Variants in PRRC2B observed in about 807,000 individuals in gnomAD.
PRRC2B encodes the protein protein PRRC2B.
In PRRC2B, 68 loss-of-function variants were observed where a neutral mutation model predicts 242.3. The ratio of observed to expected loss-of-function variants is 0.28; its 90% CI spans 0.23 to 0.34. The LOEUF (loss-of-function observed/expected upper bound fraction) is 0.34, where lower values mean the gene tolerates loss of function less well. Ranked by LOEUF, PRRC2B falls within the 10% of genes least tolerant of loss-of-function variation. The pLI, the probability that PRRC2B is intolerant of heterozygous loss-of-function variation, is 1.00. For missense variants in PRRC2B, 2,835 were observed against 2,954.8 expected (o/e 0.96, Z 0.94); for synonymous variants, 1,228 against 1,173.6 (o/e 1.05, Z -0.95).
intron 1 of PRRC2B, among the ~76,000 whole-genome samples, chr9:131,385,879 G>C (rs372250959): frequency 6.7e-6 from 1 of 150,056 alleles, no homozygotes; most frequent in African/African-American, 2.4e-5. Flanking sequence ...ATTTGTAGTA[G>C]AGATGGGGTT....
chr9:131,464,926 C>T lies in PRRC2B; in HGVS notation c.1568C>T (p.Ala523Val). 1.2e-6 allele frequency: 2 copies of T among 1,613,086 alleles called. No homozygotes were observed. The highest frequency in any genetic ancestry group is 1.7e-6 in the Non-Finnish European group (2 of 1,179,658). Reference protein sequence around the residue: ...EERRAREERLAACAAKLKQLD... With the variant: ...EERRAREERLVACAAKLKQLD... ...CGCCGAGCCCGGGAGGAGAGGCTGG[C>T]CGCCTGTGCTGCCAAACTCAAGCAG... Residue 523 changes from alanine to valine, a missense_variant, in exon 12 of 32, where the codon GCC (alanine) becomes GTC (valine). This residue lies in a region of PRRC2B where 3 missense variants were observed against 18.3 expected (regional missense o/e 0.16). Coordinates refer to ENST00000683519, the MANE Select transcript of PRRC2B (RefSeq NM_013318.4).
chr9:131,420,485 C>CTTTCTTTCTTTCTTTCTTTCTTTCT (rs1837793028), intron 1 of PRRC2B, among the ~76,000 whole-genome samples: 1 of 15,750 alleles, frequency 6.3e-5, no homozygotes, highest in Non-Finnish European at 1.7e-4. Flanking sequence ...TTCTTTCTTT[C>CTTTCTTTCTTTCTTTCTTTCTTTCT]TTTCTTTCTT....
At chr9:131,409,699 G>A (rs141820356) in intron 1 of PRRC2B, among the ~76,000 whole-genome samples, 261 of 152,226 alleles carry the variant, frequency 1.7e-3, no homozygotes, top group African/African-American at 6.1e-3. Flanking sequence ...CGTATTCCAC[G>A]CAGACCCATC....
chr9:131,426,202 G>A (rs1837969823), intron 1 of PRRC2B, among the ~76,000 whole-genome samples: 1 of 151,642 alleles, frequency 6.6e-6, no homozygotes, highest in Non-Finnish European at 1.5e-5. Flanking sequence ...GCCAGGTTTG[G>A]TGGCACACAC....
intron 1 of PRRC2B, among the ~76,000 whole-genome samples, chr9:131,386,739 C>T (rs1021294261): frequency 1.3e-5 from 2 of 149,956 alleles, no homozygotes; most frequent in African/African-American, 4.9e-5. Flanking sequence ...ATTTGCCAGG[C>T]ACCATGCTTG....
intron 19 of PRRC2B, 139 bp from the exon 20 acceptor site, chr9:131,481,587 G>T: frequency 1.5e-6 from 1 of 680,594 alleles, no homozygotes; most frequent in South Asian, 1.7e-5. Flanking sequence ...TCACGGGTAG[G>T]GGGCTGGGGT....
intron 6 of PRRC2B, among the ~76,000 whole-genome samples, chr9:131,445,130 T>G (rs1046545782): frequency 1.3e-5 from 2 of 152,048 alleles, no homozygotes; most frequent in Non-Finnish European, 2.9e-5. Flanking sequence ...TCACTGCCTT[T>G]CCAGTGGCCC....
intron 1 of PRRC2B, among the ~76,000 whole-genome samples, chr9:131,407,292 T>C (rs1208732442): frequency 6.6e-6 from 1 of 151,944 alleles, no homozygotes; most frequent in Non-Finnish European, 1.5e-5. Context: ...GCAATACGGT[T>C]TTTTAGACGC....
intron 1 of PRRC2B, among the ~76,000 whole-genome samples, chr9:131,422,667 T>C (rs911517983): frequency 4.6e-5 from 7 of 152,224 alleles, no homozygotes; most frequent in Non-Finnish European, 1.0e-4. Context: ...GGCAGAGATG[T>C]TCCCTCTGGT....
chr9:131,402,554 A>G (rs77018640), intron 1 of PRRC2B, among the ~76,000 whole-genome samples: 4,454 of 152,208 alleles, frequency 0.029, 94 homozygotes, highest in Middle Eastern at 0.051. Flanking sequence ...CCTTTCCCCC[A>G]GTGGAGTGAG....
At position 131,415,359 on chromosome 9, in the gene PRRC2B, T is replaced by G. The variant is rs74585131; in HGVS notation, c.-51-14735T>G. On this transcript the variant is annotated intron_variant, in intron 1 of 31. Transcript: ENST00000683519. ...AGAAGTAGACAGGTTTGGGATTATT[T>G]GGGTGCACCCATTCTGAACCAGTCA... Among the ~76,000 whole-genome samples, 818 of 152,156 alleles carry G rather than the reference T, an allele frequency of 5.4e-3. 11 individuals are homozygous for G. The highest frequency in any genetic ancestry group is 0.019 in the African/African-American group (767 of 41,390).
chr9:131,439,628 A>C (rs1040848257), intron 5 of PRRC2B, among the ~76,000 whole-genome samples: 5 of 152,246 alleles, frequency 3.3e-5, no homozygotes, highest in Middle Eastern at 3.4e-3. Flanking sequence ...CCAGCCTGCC[A>C]TGCCTAGGAG....
intron 1 of PRRC2B, among the ~76,000 whole-genome samples, chr9:131,395,421 T>C (rs1405586785): frequency 1.3e-5 from 2 of 152,050 alleles, no homozygotes; most frequent in South Asian, 2.1e-4. Context: ...AGCGCTGTGG[T>C]GTAAGGTGGG....
chr9:131,447,918 G>A, intron 9 of PRRC2B, 114 bp downstream of exon 9: 1 of 1,177,168 alleles, frequency 8.5e-7, no homozygotes, highest in Non-Finnish European at 1.2e-6. Context: ...AGATAGGGAT[G>A]AAGAGCCGGA....
chr9:131,438,913 A>G, intron 4 of PRRC2B, 76 bp from the exon 5 acceptor site: 1 of 1,166,178 alleles, frequency 8.6e-7, no homozygotes. Flanking sequence ...GCCTCTCAGC[A>G]CCTTGTTGTA....
chr9:131,401,541 G>A (rs934043200), intron 1 of PRRC2B, among the ~76,000 whole-genome samples: 5 of 151,966 alleles, frequency 3.3e-5, no homozygotes, highest in African/African-American at 1.2e-4. Flanking sequence ...TGTAGAGACG[G>A]GGTTTCACCA....
intron 14 of PRRC2B, among the ~76,000 whole-genome samples, chr9:131,471,369 G>T (rs1449328006): frequency 6.6e-6 from 1 of 151,528 alleles, no homozygotes; most frequent in Non-Finnish European, 1.5e-5. Context: ...AACTTATTTG[G>T]GTTTTATTTT....
intron 10 of PRRC2B, among the ~76,000 whole-genome samples, 155 bp from the exon 11 acceptor site, chr9:131,459,009 T>A (rs1943164788): frequency 6.6e-6 from 1 of 152,148 alleles, no homozygotes; most frequent in African/African-American, 2.4e-5. Context: ...GGCTGAACCG[T>A]GGAATTCACA....
At chr9:131,399,430 T>C (rs905534283) in intron 1 of PRRC2B, among the ~76,000 whole-genome samples, 12 of 151,468 alleles carry the variant, frequency 7.9e-5, no homozygotes, top group Non-Finnish European at 1.8e-4. Flanking sequence ...ATACAAAAAA[T>C]TAGCCGGGCG....
Sources: allele counts gnomAD v4.1 joint callset (sites outside exome capture counted in the v4.1 genomes callset), GRCh38; gene constraint gnomAD v4.1.1; regional missense constraint gnomAD v4.1.1; transcripts MANE v1.5; gene names NCBI Gene and HGNC (gene_info 2026-07-23, HGNC 2026-07-21).